TRIM9: variants seen among roughly 807,000 people sequenced by gnomAD.
The protein encoded by TRIM9 is E3 ubiquitin-protein ligase TRIM9.
A neutral mutation model predicts 78.3 loss-of-function variants in TRIM9; 26 were observed. That is an observed-to-expected ratio of 0.33 (90% CI 0.24 to 0.46). The LOEUF is 0.46. Among genes scored for constraint, TRIM9 ranks in the 20% least tolerant of loss-of-function variants. The pLI is 1.00. For missense variants in TRIM9, 787 were observed against 1,036.4 expected (o/e 0.76, Z 3.30); for synonymous variants, 398 against 416.5 (o/e 0.96, Z 0.54).
chr14:51,059,925 G>A (rs1596290190), intron 1 of TRIM9, among the ~76,000 whole-genome samples: 1 of 151,880 alleles, frequency 6.6e-6, no homozygotes, highest in Non-Finnish European at 1.5e-5. Flanking sequence ...CTACTACCAC[G>A]GCCCTAAAAC....
intron 1 of TRIM9, among the ~76,000 whole-genome samples, chr14:51,043,912 A>T (rs970038672): frequency 1.3e-5 from 2 of 152,186 alleles, no homozygotes; most frequent in African/African-American, 4.8e-5. Flanking sequence ...AATTATTATT[A>T]TATTAAATCT....
intron 11 of TRIM9, among the ~76,000 whole-genome samples, chr14:50,980,980 A>AT (rs34560711): frequency 0.023 from 3,367 of 144,160 alleles, 85 homozygotes; most frequent in Admixed American, 0.086. Context: ...ACACTACTGT[A>AT]TTTTTTTTTT....
chr14:50,983,724 T>C (rs1323844078), intron 8 of TRIM9, among the ~76,000 whole-genome samples: 2 of 152,200 alleles, frequency 1.3e-5, no homozygotes, highest in African/African-American at 2.4e-5. Flanking sequence ...GTAAGAAGGC[T>C]AGCTGTTTTA....
chr14:50,982,903 G>A (rs2052159003), intron 10 of TRIM9, 39 bp downstream of exon 10: 1 of 1,533,340 alleles, frequency 6.5e-7, no homozygotes, highest in South Asian at 1.2e-5. Context: ...ATGCACTTTG[G>A]TCTTTGCTAT....
chr14:51,048,695 A>G (rs1368265203), intron 1 of TRIM9, among the ~76,000 whole-genome samples: 1 of 151,310 alleles, frequency 6.6e-6, no homozygotes, highest in African/African-American at 2.4e-5. Flanking sequence ...AAAACATCCC[A>G]TCTCGGGGGC....
intron 3 of TRIM9, among the ~76,000 whole-genome samples, chr14:51,021,863 G>A (rs938211139): frequency 6.6e-6 from 1 of 152,208 alleles, no homozygotes; most frequent in African/African-American, 2.4e-5. Context: ...CATTCTAATA[G>A]CCAGTTGATT....
chr14:51,012,056 T>C (rs2056645472), intron 3 of TRIM9, among the ~76,000 whole-genome samples: 1 of 152,266 alleles, frequency 6.6e-6, no homozygotes, highest in Non-Finnish European at 1.5e-5. Flanking sequence ...GTTCTTAATG[T>C]GTTATTGTGG....
At chr14:51,087,137 C>T (rs1288685715) in intron 1 of TRIM9, among the ~76,000 whole-genome samples, 2 of 151,974 alleles carry the variant, frequency 1.3e-5, no homozygotes, top group African/African-American at 2.4e-5. Flanking sequence ...CTCATCTCAA[C>T]TGGGTGTGGC....
At chr14:51,004,583 C>T (rs943382297) in intron 5 of TRIM9, among the ~76,000 whole-genome samples, 1 of 152,164 alleles carries the variant, frequency 6.6e-6, no homozygotes, top group African/African-American at 2.4e-5. Flanking sequence ...ATAAGGGATG[C>T]TTTCAAGCAC....
At chr14:50,999,045 C>T (rs1030742480) in intron 6 of TRIM9, among the ~76,000 whole-genome samples, 1 of 152,140 alleles carries the variant, frequency 6.6e-6, no homozygotes, top group Admixed American at 6.6e-5. Flanking sequence ...TCAAACTTTA[C>T]GTGCATATGA....
chr14:51,085,473 A>G (rs1346811535), intron 1 of TRIM9, among the ~76,000 whole-genome samples: 1 of 152,350 alleles, frequency 6.6e-6, no homozygotes, highest in East Asian at 1.9e-4. Context: ...ATCCATTCTT[A>G]AACGATATCC....
chr14:51,000,848 G>C lies in TRIM9; in HGVS notation c.1307-8C>G, dbSNP rs1359393834. The C allele has an allele frequency of 3.7e-6, 6 of 1,613,726 alleles. No homozygotes were observed. In the African/African-American group the frequency reaches 6.7e-5, roughly 18 times the overall value. On this transcript the variant is annotated splice_region_variant and splice_polypyrimidine_tract_variant and intron_variant, in intron 5 of 12. Coordinates refer to ENST00000684578, the MANE Select transcript of TRIM9 (RefSeq NM_001387360.1). The stretch of plus-strand genomic sequence containing the variant: ...CTGGGACTGGAGAGGAAGCTAAACA[G>C]AAATTAGTGTAACTCTGGCTTCTGT...
rs1053448337 is a variant in TRIM9 at position 50,977,185 on chromosome 14, T to C, written c.*106A>G. The C allele has an allele frequency of 1.3e-5, 12 of 895,924 alleles. No individual in the cohort carries two copies. The highest frequency in any genetic ancestry group is 1.9e-5 in the Non-Finnish European group (12 of 636,360). 55.5% of individuals were successfully genotyped at this position (895,924 alleles called of 1,614,324 possible). A position where few individuals can be genotyped will look rare whatever the true frequency, so the allele number is the denominator to read the frequency against. On this transcript the variant is annotated 3_prime_UTR_variant, in exon 13 of 13. Coordinates refer to ENST00000684578, the MANE Select transcript of TRIM9 (RefSeq NM_001387360.1). ...AGGACCAGCTTTTCTCTCCTCCTTC[T>C]CCCACTCCTGCCAACTCTGCACCCC...
intron 3 of TRIM9, among the ~76,000 whole-genome samples, chr14:51,012,961 G>A (rs570914315): frequency 6.6e-6 from 1 of 152,282 alleles, no homozygotes; most frequent in African/African-American, 2.4e-5. Context: ...TCAGATATAT[G>A]ATTTTCAAAT....
At chr14:51,029,916 T>C (rs978008678) in intron 1 of TRIM9, among the ~76,000 whole-genome samples, 2 of 152,146 alleles carry the variant, frequency 1.3e-5, no homozygotes, top group African/African-American at 4.8e-5. Flanking sequence ...TGTTTAATTG[T>C]TTAATCCACG....
intron 1 of TRIM9, among the ~76,000 whole-genome samples, chr14:51,052,305 A>G (rs1271086676): frequency 6.6e-6 from 1 of 152,220 alleles, no homozygotes; most frequent in Non-Finnish European, 1.5e-5. Flanking sequence ...CGCCTTAAAA[A>G]TAACAAAAGA....
chr14:51,046,235 C>T (rs2059940516), intron 1 of TRIM9, among the ~76,000 whole-genome samples: 1 of 152,080 alleles, frequency 6.6e-6, no homozygotes, highest in African/African-American at 2.4e-5. Flanking sequence ...ACGCAAGGGA[C>T]ACTTGTGGGG....
At chr14:51,033,625 G>A (rs150002880) in intron 1 of TRIM9, among the ~76,000 whole-genome samples, 12 of 152,182 alleles carry the variant, frequency 7.9e-5, no homozygotes, top group African/African-American at 1.7e-4. Flanking sequence ...TTGGCCATAC[G>A]GCTTGCTTTT....
In TRIM9 at chr14:51,001,316, G is replaced by A. The variant is rs113862776; in HGVS notation, c.1307-476C>T. On this transcript the variant is annotated intron_variant, in intron 5 of 12. Transcript: ENST00000684578. ...ACAATCTCGGCTCACTGCAAGCTCC[G>A]CCTCCCGGGTTCACACCATTCTCCT... 1.8e-3 allele frequency among the ~76,000 whole-genome samples: 268 copies of A among 147,844 alleles called. 1 individual carries two copies. The highest frequency in any genetic ancestry group is 6.1e-3 in the African/African-American group (243 of 39,968).
Sources: gnomAD v4.1 joint callset for allele counts (sites outside exome capture counted in the v4.1 genomes callset) on GRCh38, gnomAD v4.1.1 for gene constraint, MANE v1.5 for transcripts, NCBI Gene and HGNC (gene_info 2026-07-23, HGNC 2026-07-21) for gene names.